Variants in HAS3 observed in about 807,000 individuals in gnomAD.
HAS3 encodes the protein HA synthase 3.
In HAS3, 27 loss-of-function variants were observed where a neutral mutation model predicts 50.3. The ratio of observed to expected loss-of-function variants is 0.54; its 90% CI spans 0.40 to 0.74. The LOEUF is 0.74. Among genes scored for constraint, HAS3 ranks in the 30% least tolerant of loss-of-function variants. The pLI is 0.00. For missense variants in HAS3, 517 were observed against 742.8 expected (o/e 0.70, Z 3.53); for synonymous variants, 339 against 310.9 (o/e 1.09, Z -0.95).
At chr16:69,095,810 C>T in the HAS3 span, among the ~76,000 whole-genome samples, 1 of 152,164 alleles carries the variant, frequency 6.6e-6, no homozygotes, top group African/African-American at 2.4e-5. Flanking sequence ...CCCTCAGCTT[C>T]GCTCTAACTG....
downstream of HAS3, chr16:69,117,699 C>CTT (rs1267451764): frequency 2.1e-6 from 2 of 949,492 alleles, no homozygotes; most frequent in African/African-American, 3.6e-5. Flanking sequence ...AAAGCTAGCT[C>CTT]TTTATTCCAG....
At chr16:69,113,022 G>A (rs369735229) in intron 2 of HAS3, among the ~76,000 whole-genome samples, 8 of 152,186 alleles carry the variant, frequency 5.3e-5, no homozygotes, top group African/African-American at 1.2e-4. Context: ...AGGCTGACAC[G>A]GGGACCCCTG....
At chr16:69,095,512 G>A in the HAS3 span, among the ~76,000 whole-genome samples, 1 of 150,698 alleles carries the variant, frequency 6.6e-6, no homozygotes, top group South Asian at 2.1e-4. Context: ...ATTGCCTGGG[G>A]AATTTTTTTT....
At chr16:69,096,534 CAAAAAAAAAAAAAAAAAAAAA>C in the HAS3 span, among the ~76,000 whole-genome samples, 2 of 35,316 alleles carry the variant, frequency 5.7e-5, no homozygotes, top group African/African-American at 2.4e-4. Context: ...GACTCTGTCT[CAAAAAAAAAAAAAAAAAAAAA>C]AAAAAAAAAG....
Position 69,106,240 on chromosome 16 carries a change from C to CGCGGAGCGGA in HAS3, c.-1+458_-1+467dup, listed in dbSNP as rs981939839. On this transcript the variant is annotated intron_variant, in intron 1 of 3. Coordinates refer to ENST00000569188, the MANE Select transcript of HAS3 (RefSeq NM_001199280.2). This position sits in a 1 kb window ranked among gnomAD's most constrained non-coding sequence, Gnocchi z 5.5. ...AGGCGGCAGTCGGAGCGCGCGGCGG[C>CGCGGAGCGGA]GCGGAGCGGAGCGGGAGGAGGGGCA... The CGCGGAGCGGA allele has an allele frequency of 1.3e-5, 2 of 151,926 alleles. No homozygotes were observed. The highest frequency in any genetic ancestry group is 4.8e-5 in the African/African-American group (2 of 41,338). 9.4% of individuals were successfully genotyped at this position (151,926 alleles called of 1,614,324 possible).
At chr16:69,086,624 G>A in the HAS3 span, among the ~76,000 whole-genome samples, 2 of 151,120 alleles carry the variant, frequency 1.3e-5, no homozygotes, top group African/African-American at 4.9e-5. Context: ...CACAAAAACG[G>A]CCGGGCACAG....
upstream of HAS3, among the ~76,000 whole-genome samples, chr16:69,105,083 C>CT (rs1477049878): frequency 3.0e-5 from 4 of 135,258 alleles, no homozygotes; most frequent in Admixed American, 2.5e-4. Context: ...TTTCAGCTCA[C>CT]TGCAACCTCC....
chr16:69,111,157 ATT>A (rs71148963), intron 2 of HAS3, among the ~76,000 whole-genome samples: 2,199 of 61,546 alleles, frequency 0.036, 2 homozygotes, highest in African/African-American at 0.066. Context: ...CTAGGCCAGG[ATT>A]TTTTTTTTTT....
chr16:69,090,915 T>C, the HAS3 span, among the ~76,000 whole-genome samples: 30 of 152,028 alleles, frequency 2.0e-4, no homozygotes, highest in Non-Finnish European at 2.6e-4. Context: ...CTGAGATAGG[T>C]CTTACTATGA....
At chr16:69,089,583 C>T in the HAS3 span, among the ~76,000 whole-genome samples, 1 of 152,226 alleles carries the variant, frequency 6.6e-6, no homozygotes, top group Non-Finnish European at 1.5e-5. Flanking sequence ...TCTGTTGGAA[C>T]TGAATCACCG....
Position 69,116,827 on chromosome 16 carries a change from C to T in HAS3, c.*1561C>T. The T allele has an allele frequency of 1.0e-6, 1 of 985,416 alleles. No homozygotes were observed. The highest frequency in any genetic ancestry group is 4.7e-5 in the South Asian group (1 of 21,286). The allele number at this position is 985,416 out of a possible 1,614,324, so 61.0% of individuals were successfully genotyped here. A position where few individuals can be genotyped will look rare whatever the true frequency, so the allele number is the denominator to read the frequency against. On this transcript the variant is annotated 3_prime_UTR_variant, in exon 4 of 4. Coordinates refer to ENST00000569188, the MANE Select transcript of HAS3 (RefSeq NM_001199280.2). ...TTGACTTAAGGGTTGCTTGCTTGCCCTCCAAATGTCCTTTCTCAGAGGGGC... is the reference window on the plus strand; with the variant it reads ...TTGACTTAAGGGTTGCTTGCTTGCCTTCCAAATGTCCTTTCTCAGAGGGGC...
intron 2 of HAS3, among the ~76,000 whole-genome samples, chr16:69,112,091 C>T (rs956482476): frequency 6.6e-6 from 1 of 152,272 alleles, no homozygotes; most frequent in African/African-American, 2.4e-5. Context: ...TGGGGAAACC[C>T]AGGCAGCACG....
At position 69,116,499 on chromosome 16, in the gene HAS3, T is replaced by C. The variant is rs1007132917; in HGVS notation, c.*1233T>C. 2 of 985,748 alleles carry C rather than the reference T, an allele frequency of 2.0e-6. No homozygotes were observed. Among genetic ancestry groups the C allele is most frequent in the East Asian group, 1.1e-4 (1 of 8,836 alleles). The allele number at this position is 985,748 out of a possible 1,614,324, so 61.1% of individuals were successfully genotyped here. On this transcript the variant is annotated 3_prime_UTR_variant, in exon 4 of 4. Coordinates refer to ENST00000569188, the MANE Select transcript of HAS3 (RefSeq NM_001199280.2). ...TTTTCAGTGTTCCCAAAGTGAACTC[T>C]CAAATCCAAAATGGTTATCTTTGAG...
the HAS3 span, among the ~76,000 whole-genome samples, chr16:69,086,865 T>C: frequency 2.0e-5 from 3 of 152,068 alleles, no homozygotes; most frequent in African/African-American, 7.2e-5. Flanking sequence ...GATTGCGCCA[T>C]TGCACTCCAG....
At chr16:69,108,823 A>G (rs180897338) in intron 1 of HAS3, among the ~76,000 whole-genome samples, 125 of 152,276 alleles carry the variant, frequency 8.2e-4, no homozygotes, top group African/African-American at 1.3e-3. Flanking sequence ...CTTTTTCCCA[A>G]TGCCCCTTTG....
chr16:69,115,641 G>C lies in HAS3; in HGVS notation c.*375G>C. ...CCTGAGTGACGGCAACCTGCGGAAG[G>C]AGGTTCTCCCAGCCCATCTGAACAC... On this transcript the variant is annotated 3_prime_UTR_variant, in exon 4 of 4. Coordinates refer to ENST00000569188, the MANE Select transcript of HAS3 (RefSeq NM_001199280.2). 9.9e-7 allele frequency: 1 copy of C among 1,005,508 alleles called. No homozygotes were observed. The highest frequency in any genetic ancestry group is 1.2e-6 in the Non-Finnish European group (1 of 843,558). The allele number at this position is 1,005,508 out of a possible 1,614,324, so 62.3% of individuals were successfully genotyped here.
chr16:69,116,832 A>C lies in HAS3; in HGVS notation c.*1566A>C. 1 of 985,360 alleles carries C rather than the reference A, an allele frequency of 1.0e-6. No homozygotes were observed. The highest frequency in any genetic ancestry group is 1.2e-6 in the Non-Finnish European group (1 of 829,920). The allele number at this position is 985,360 out of a possible 1,614,324, so 61.0% of individuals were successfully genotyped here. The stretch of plus-strand genomic sequence containing the variant: ...TTAAGGGTTGCTTGCTTGCCCTCCA[A>C]ATGTCCTTTCTCAGAGGGGCCAGCT... On this transcript the variant is annotated 3_prime_UTR_variant, in exon 4 of 4. Coordinates refer to ENST00000569188, the MANE Select transcript of HAS3 (RefSeq NM_001199280.2).
chr16:69,097,532 G>A, the HAS3 span, among the ~76,000 whole-genome samples: 1 of 152,068 alleles, frequency 6.6e-6, no homozygotes, highest in East Asian at 1.9e-4. Context: ...CTGGGAAGGA[G>A]TGTGCACTTG....
In HAS3 at chr16:69,109,536, G is replaced by C. The variant is rs147999236; in HGVS notation, c.141G>C (p.Leu47=). The change falls in exon 2 of 4, where the codon CTG becomes CTC. Residue 47 remains leucine (L), a synonymous_variant. Transcript: ENST00000569188. The surrounding 1 kb of genome is among the most constrained non-coding windows in gnomAD (Gnocchi z 5.3). ...HTEKHYLSFG[L]YGAILGLHLL... ...AAAAGCACTACCTGTCCTTCGGCCT[G>C]TACGGCGCCATCCTGGGCCTGCACC... The C allele has an allele frequency of 7.4e-5, 120 of 1,613,844 alleles. No individual in the cohort carries two copies. The highest frequency in any genetic ancestry group is 9.0e-5 in the Non-Finnish European group (106 of 1,180,042).
Sources: allele counts gnomAD v4.1 joint callset (sites outside exome capture counted in the v4.1 genomes callset), GRCh38; gene constraint gnomAD v4.1.1; non-coding constraint Gnocchi (gnomAD v3.1); transcripts MANE v1.5; gene names NCBI Gene and HGNC (gene_info 2026-07-23, HGNC 2026-07-21).